Variants in ABAT observed in about 807,000 individuals in gnomAD.
The protein encoded by ABAT is 4-aminobutyrate aminotransferase, mitochondrial.
A neutral mutation model predicts 64.6 loss-of-function variants in ABAT; 45 were observed. That is an observed-to-expected ratio of 0.70 (90% confidence interval 0.55 to 0.89). The LOEUF (loss-of-function observed/expected upper bound fraction) is 0.89. ABAT is among the 40% of genes least tolerant of loss of function. The pLI, the probability that ABAT is intolerant of heterozygous loss-of-function variation, is 0.00. For missense variants in ABAT, 633 were observed against 658.4 expected (o/e 0.96, Z 0.42); for synonymous variants, 297 against 250.5 (o/e 1.19, Z -1.75).
In ABAT at chr16:8,723,809, T is replaced by TTATATATATATATATATATA. The variant is rs540646083; in HGVS notation, c.-41-11871_-41-11870insATATATATATATATATATAT. The stretch of plus-strand genomic sequence containing the variant: ...GGGCAGTGGTTTGGATCCAAGCTTT[T>TTATATATATATATATATATA]TATATATATATATATATATTTTTTT... On this transcript the variant is annotated intron_variant, in intron 1 of 15. Coordinates refer to ENST00000268251, the MANE Select transcript of ABAT (RefSeq NM_020686.6). Among the ~76,000 whole-genome samples the TTATATATATATATATATATA allele has an allele frequency of 2.0e-3, 88 of 44,808 alleles. 1 individual carries two copies. Among genetic ancestry groups the TTATATATATATATATATATA allele is most frequent in the African/African-American group, 3.4e-3 (42 of 12,222 alleles). The allele number at this position is 44,808 out of a possible 152,430, so 29.4% of individuals were successfully genotyped here.
chr16:8,736,564 C>A (rs2058944269), intron 2 of ABAT: 1 of 152,456 alleles, frequency 6.6e-6, no homozygotes, highest in Non-Finnish European at 1.5e-5. Context: ...TAGAGCCCAG[C>A]TGTGCTTCAG....
Position 8,781,162 on chromosome 16 carries a change from G to T in ABAT, c.1382-147G>T. The T allele has an allele frequency of 7.8e-7, 1 of 1,285,826 alleles. No homozygotes were observed. Among genetic ancestry groups the T allele is most frequent in the Non-Finnish European group, 1.1e-6 (1 of 890,148 alleles). 79.7% of individuals were successfully genotyped at this position (1,285,826 alleles called of 1,614,324 possible). ...AGACTGGATGGGTGGGTGGTAGGAA[G>T]GAAGCCCGGGCTTCCATGATGGAGG... On this transcript the variant is annotated intron_variant, in intron 15 of 15. Transcript: ENST00000268251. This position sits in a 1 kb window ranked among gnomAD's most constrained non-coding sequence, Gnocchi z 4.5.
chr16:8,703,495 G>C (rs936448232), intron 1 of ABAT, among the ~76,000 whole-genome samples: 1 of 151,932 alleles, frequency 6.6e-6, no homozygotes, highest in East Asian at 1.9e-4. Flanking sequence ...CTGTTAAAAA[G>C]CAAGATAATT....
At chr16:8,749,421 T>A (rs1461895973) in intron 4 of ABAT, among the ~76,000 whole-genome samples, 42 of 86,156 alleles carry the variant, frequency 4.9e-4, no homozygotes, top group Admixed American at 1.5e-4. Flanking sequence ...TTTTTTGAGA[T>A]GAAGTCTCAC....
At chr16:8,683,551 T>TA (rs145313959) in intron 1 of ABAT, 66,924 of 134,102 alleles carry the variant, frequency 0.5, 16,777 homozygotes, top group East Asian at 0.75. Context: ...ACCCTGTTTC[T>TA]AAAAAAAAAA....
chr16:8,748,288 C>T lies in ABAT; in HGVS notation c.198+151C>T. On this transcript the variant is annotated intron_variant, in intron 4 of 15. Transcript: ENST00000268251. The stretch of plus-strand genomic sequence containing the variant: ...TTTCTCATTTCCTTTGTGATTTCTT[C>T]TTTGACCCATTAGTTACTTACATGA... The T allele has an allele frequency of 4.5e-6, 3 of 668,178 alleles. No individual in the cohort carries two copies. The South Asian group carries it at 6.9e-5, about 15-fold the overall frequency. 41.4% of individuals were successfully genotyped at this position (668,178 alleles called of 1,614,324 possible).
chr16:8,707,689 G>C (rs574959198), intron 1 of ABAT, among the ~76,000 whole-genome samples: 33 of 152,284 alleles, frequency 2.2e-4, no homozygotes, highest in African/African-American at 7.9e-4. Flanking sequence ...GAACCTAAAA[G>C]CTAGCTGGAC....
intron 5 of ABAT, among the ~76,000 whole-genome samples, chr16:8,755,756 CA>C (rs34651404): frequency 2.0e-5 from 3 of 151,206 alleles, no homozygotes; most frequent in African/African-American, 7.3e-5. Flanking sequence ...ACTAAAAATA[CA>C]AAAAAATTGT....
intron 1 of ABAT, among the ~76,000 whole-genome samples, chr16:8,710,727 A>AGAGAGAGAGAGGGAGAGGGAGG (rs146344975): frequency 0.019 from 1,951 of 103,116 alleles, 250 homozygotes; most frequent in East Asian, 0.038. Context: ...AGAGAGAGAG[A>AGAGAGAGAGAGGGAGAGGGAGG]GAGGAAATAG....
chr16:8,776,151 G>A lies in ABAT; in HGVS notation c.1123-193G>A, dbSNP rs1489545528. Among the ~76,000 whole-genome samples, 1 of 152,128 alleles carries A rather than the reference G, an allele frequency of 6.6e-6. No homozygotes were observed. The highest frequency in any genetic ancestry group is 2.4e-5 in the African/African-American group (1 of 41,438). On this transcript the variant is annotated intron_variant, in intron 13 of 15. Coordinates refer to ENST00000268251, the MANE Select transcript of ABAT (RefSeq NM_020686.6). This position sits in a 1 kb window ranked among gnomAD's most constrained non-coding sequence, Gnocchi z 4.4. ...CTGTTGGAAGAATTCAGCAAGATTG[G>A]GTGTGTTCTCCTGCTAGCCTCTGGT... is the stretch of plus-strand genomic sequence containing the variant.
In ABAT at chr16:8,698,614, G is replaced by A. The variant is rs372446917; in HGVS notation, c.-42+23903G>A. On this transcript the variant is annotated intron_variant, in intron 1 of 15. Transcript: ENST00000268251. ...CTCCTGAAGTGTTGGGATTACAGGC[G>A]TGAGCCACTGCGCCCGGCCTTCTGG... Among the ~76,000 whole-genome samples, 92 of 152,230 alleles carry A rather than the reference G, an allele frequency of 6.0e-4. 1 individual carries two copies. Among genetic ancestry groups the A allele is most frequent in the African/African-American group, 1.8e-3 (73 of 41,574 alleles).
intron 1 of ABAT, among the ~76,000 whole-genome samples, chr16:8,720,107 C>G (rs1312999911): frequency 2.0e-5 from 3 of 152,150 alleles, no homozygotes; most frequent in African/African-American, 7.2e-5. Flanking sequence ...GCCATCGCGC[C>G]CAGCCAAAAT....
rs1405813929 is a variant in ABAT, at chr16:8,776,181, A to T, written c.1123-163A>T. Reference sequence around the variant, plus strand: ...GTTCTCCTGCTAGCCTCTGGTAGAGAAGAATTCAGCGAGATTGGGTGTGTT... The same window carrying T: ...GTTCTCCTGCTAGCCTCTGGTAGAGTAGAATTCAGCGAGATTGGGTGTGTT... On this transcript the variant is annotated intron_variant, in intron 13 of 15. Transcript: ENST00000268251. The surrounding 1 kb of genome is among the most constrained non-coding windows in gnomAD (Gnocchi z 4.4). Among the ~76,000 whole-genome samples the T allele has an allele frequency of 2.6e-5, 4 of 152,108 alleles. No homozygotes were observed. The highest frequency in any genetic ancestry group is 9.7e-5 in the African/African-American group (4 of 41,418).
intron 1 of ABAT, among the ~76,000 whole-genome samples, chr16:8,703,236 C>A (rs576152758): frequency 5.9e-5 from 9 of 152,180 alleles, no homozygotes; most frequent in Non-Finnish European, 1.3e-4. Flanking sequence ...CACCTGAGGT[C>A]AAGAGTTCAA....
At chr16:8,734,676 T>A (rs1640995) in intron 1 of ABAT, among the ~76,000 whole-genome samples, 113,056 of 152,100 alleles carry the variant, frequency 0.74, 42,486 homozygotes, top group Non-Finnish European at 0.8. Flanking sequence ...GAGGAATGAC[T>A]CATGAATGGT....
chr16:8,713,548 C>T (rs1350741251), intron 1 of ABAT: 4 of 223,494 alleles, frequency 1.8e-5, no homozygotes, highest in Non-Finnish European at 3.7e-5. Context: ...TTCAGTCTCT[C>T]ACATTCTGTC....
rs781153961 is a variant in ABAT at position 8,781,923 on chromosome 16, C to T, written c.*493C>T. 19 of 306,526 alleles carry T rather than the reference C, an allele frequency of 6.2e-5. No homozygotes were observed. The highest frequency in any genetic ancestry group is 2.3e-3 in the Middle Eastern group (2 of 860). The allele number at this position is 306,526 out of a possible 1,614,324, so 19.0% of individuals were successfully genotyped here. On this transcript the variant is annotated 3_prime_UTR_variant, in exon 16 of 16. Coordinates refer to ENST00000268251, the MANE Select transcript of ABAT (RefSeq NM_020686.6). The surrounding 1 kb of genome is among the most constrained non-coding windows in gnomAD (Gnocchi z 4.5). ...TCCCAGCCTCCCGGAGCTCTGAGCA[C>T]GCCCCACGCATGGTGCAGGAGGGAC...
intron 11 of ABAT, 134 bp from the exon 12 acceptor site, chr16:8,772,646 C>T (rs2060146865): frequency 7.9e-7 from 1 of 1,259,724 alleles, no homozygotes; most frequent in African/African-American, 1.5e-5. Context: ...ACAGAGGCTT[C>T]ACTGGTCTTA....
At chr16:8,732,079 C>T (rs1445454643) in intron 1 of ABAT, among the ~76,000 whole-genome samples, 3 of 152,064 alleles carry the variant, frequency 2.0e-5, no homozygotes, top group Non-Finnish European at 4.4e-5. Flanking sequence ...TCTTGAACAC[C>T]TGACCTCAAG....
Sources: allele counts gnomAD v4.1 joint callset (sites outside exome capture counted in the v4.1 genomes callset), GRCh38; gene constraint gnomAD v4.1.1; non-coding constraint Gnocchi (gnomAD v3.1); transcripts MANE v1.5; gene names NCBI Gene and HGNC (gene_info 2026-07-23, HGNC 2026-07-21).